The following ANO2 variants were observed in gnomAD, a reference collection of about 807,000 sequenced individuals.
ANO2 encodes anoctamin-2.
Under a neutral mutation model 124.2 loss-of-function variants are expected in ANO2, and 101 were observed. That is an observed-to-expected ratio of 0.81 (90% CI 0.69 to 0.96). The LOEUF (loss-of-function observed/expected upper bound fraction) is 0.96, where lower values mean the gene tolerates loss of function less well. Ranked by LOEUF, ANO2 falls within the 40% of genes least tolerant of loss-of-function variation. The pLI, the probability that ANO2 is intolerant of heterozygous loss-of-function variation, is 0.00. For synonymous variants in ANO2, 486 were observed against 482.5 expected, an observed-to-expected ratio of 1.01 and a Z score of -0.09; for missense variants, 1,293 against 1,274.5, an observed-to-expected ratio of 1.01 and a Z score of -0.22.
At chr12:5,790,714 G>A (rs924144032) in intron 10 of ANO2, among the ~76,000 whole-genome samples, 6 of 152,038 alleles carry the variant, frequency 3.9e-5, no homozygotes, top group African/African-American at 7.3e-5. Context: ...CTCTGTGACC[G>A]ACCCAAGAAG....
chr12:5,714,489 A>G (rs755504887), intron 14 of ANO2, among the ~76,000 whole-genome samples: 10 of 152,164 alleles, frequency 6.6e-5, no homozygotes, highest in Non-Finnish European at 1.5e-4. Flanking sequence ...GTCTCCAGAG[A>G]GCTAGAAATA....
chr12:5,621,337 T>G (rs1233391349), intron 16 of ANO2, among the ~76,000 whole-genome samples: 1 of 152,168 alleles, frequency 6.6e-6, no homozygotes, highest in Non-Finnish European at 1.5e-5. Context: ...GAAAAAAAAT[T>G]TTGTCCCATA....
Position 5,744,142 on chromosome 12 carries a change from G to A in ANO2, c.1351+15C>T. The stretch of plus-strand genomic sequence containing the variant: ...GGAACCACCCATATAAGCAAGCCTG[G>A]TGATGGCCACATACCCCACAGAGCC... On this transcript the variant is annotated intron_variant, in intron 12 of 24. Transcript: ENST00000682330. 1 of 1,613,824 alleles carries A rather than the reference G, an allele frequency of 6.2e-7. No homozygotes were observed.
chr12:5,633,035 T>C (rs913509192), intron 16 of ANO2, among the ~76,000 whole-genome samples: 16 of 152,190 alleles, frequency 1.1e-4, no homozygotes, highest in African/African-American at 3.6e-4. Flanking sequence ...ATGGAGCGGG[T>C]AGGGGACATT....
chr12:5,758,658 T>G (rs1464137452), intron 10 of ANO2, among the ~76,000 whole-genome samples: 1 of 152,220 alleles, frequency 6.6e-6, no homozygotes, highest in Non-Finnish European at 1.5e-5. Context: ...TGAAGGAATC[T>G]GAAGTTTGTA....
intron 3 of ANO2, among the ~76,000 whole-genome samples, chr12:5,916,037 G>C (rs1485725267): frequency 6.6e-6 from 1 of 152,168 alleles, no homozygotes. Context: ...AGCACTTTGG[G>C]AGGCTGAGGT....
intron 1 of ANO2, among the ~76,000 whole-genome samples, chr12:5,933,351 C>A (rs1401902388): frequency 3.3e-5 from 5 of 152,182 alleles, no homozygotes; most frequent in African/African-American, 1.2e-4. Context: ...ACAACCACCC[C>A]AAATTCCACT....
chr12:5,629,273 T>G (rs1432422176), intron 16 of ANO2, among the ~76,000 whole-genome samples: 1 of 152,184 alleles, frequency 6.6e-6, no homozygotes, highest in Non-Finnish European at 1.5e-5. Flanking sequence ...GTATTCAGCC[T>G]AGAAGCCTGC....
At chr12:5,576,811 T>A (rs1176784313) in intron 22 of ANO2, among the ~76,000 whole-genome samples, 1 of 152,252 alleles carries the variant, frequency 6.6e-6, no homozygotes, top group Non-Finnish European at 1.5e-5. Context: ...AGTTCAGATA[T>A]TGTTCTCTAA....
At chr12:5,812,718 A>AAGGG (rs376431074) in intron 7 of ANO2, among the ~76,000 whole-genome samples, 4 of 24,284 alleles carry the variant, frequency 1.6e-4, no homozygotes, top group Non-Finnish European at 1.9e-4. Context: ...AAGAAGAAGG[A>AAGGG]AGGGAGGGAG....
At position 5,868,433 on chromosome 12, in the gene ANO2, A is replaced by C. The variant is rs374402775; in HGVS notation, c.535-14292T>G. Among the ~76,000 whole-genome samples the C allele has an allele frequency of 1.5e-4, 23 of 152,274 alleles. 1 individual carries two copies. In the Middle Eastern group the frequency reaches 0.027, roughly 180 times the overall value. On this transcript the variant is annotated intron_variant, in intron 3 of 24. Transcript: ENST00000682330. ...CTCCTTTCTGATCAAGCAGAAAAAT[A>C]AGAATCTGGAAGCAATAGTGACCTC...
At chr12:5,827,695 G>A in intron 7 of ANO2, 74 bp downstream of exon 7, 1 of 1,499,552 alleles carries the variant, frequency 6.7e-7, no homozygotes, top group Non-Finnish European at 9.1e-7. Context: ...GCCGACCAAG[G>A]GAGCTGTTGA....
chr12:5,883,097 A>C (rs10849355), intron 3 of ANO2, among the ~76,000 whole-genome samples: 80,990 of 151,486 alleles, frequency 0.53, 21,765 homozygotes, highest in South Asian at 0.61. Context: ...CACCCCCAGC[A>C]CCATTAACAC....
intron 4 of ANO2, among the ~76,000 whole-genome samples, chr12:5,842,639 C>T (rs1000987492): frequency 1.3e-5 from 2 of 152,222 alleles, no homozygotes; most frequent in Admixed American, 6.5e-5. Flanking sequence ...GCCTGCTGTA[C>T]ACCAGGCACT....
intron 3 of ANO2, among the ~76,000 whole-genome samples, chr12:5,896,134 G>A (rs190170042): frequency 2.0e-5 from 3 of 152,100 alleles, no homozygotes; most frequent in Non-Finnish European, 2.9e-5. Flanking sequence ...ACTGGAAGGG[G>A]GGTGAGGTAT....
At chr12:5,677,509 C>T (rs251759) in intron 14 of ANO2, among the ~76,000 whole-genome samples, 152,185 of 152,320 alleles carry the variant, frequency 1, 76,025 homozygotes, top group Middle Eastern at 1. Context: ...GAGCAACAGA[C>T]GTTCTGATTC....
intron 10 of ANO2, among the ~76,000 whole-genome samples, chr12:5,793,970 A>G (rs567332469): frequency 6.6e-6 from 1 of 152,152 alleles, no homozygotes; most frequent in Admixed American, 6.5e-5. Context: ...TTTCCACAGC[A>G]TGATGGGATT....
chr12:5,661,156 C>T (rs144949322), intron 14 of ANO2, among the ~76,000 whole-genome samples: 21 of 152,246 alleles, frequency 1.4e-4, no homozygotes, highest in Middle Eastern at 3.4e-3. Flanking sequence ...ATCACAAAGA[C>T]GTCTACAACG....
At chr12:5,607,037 T>A (rs890273062) in intron 19 of ANO2, among the ~76,000 whole-genome samples, 1 of 150,194 alleles carries the variant, frequency 6.7e-6, no homozygotes, top group Non-Finnish European at 1.5e-5. Context: ...CAATCACCCA[T>A]CTAACCCCCC....
Sources: allele counts gnomAD v4.1 joint callset (sites outside exome capture counted in the v4.1 genomes callset), GRCh38; gene constraint gnomAD v4.1.1; transcripts MANE v1.5; gene names NCBI Gene and HGNC (gene_info 2026-07-23, HGNC 2026-07-21).